TTC27: variants seen among roughly 807,000 people sequenced by gnomAD.
TTC27 encodes the protein tetratricopeptide repeat domain 27, also known as tetratricopeptide repeat protein 27.
In TTC27, 79 loss-of-function variants were observed where a neutral mutation model predicts 115.9. The ratio of observed to expected loss-of-function variants is 0.68; its 90% CI spans 0.57 to 0.82. The LOEUF (loss-of-function observed/expected upper bound fraction) is 0.82. TTC27 is among the 40% of genes least tolerant of loss of function. The pLI is 0.00. For synonymous variants in TTC27, 401 were observed against 356.0 expected, an observed-to-expected ratio of 1.13 and a Z score of -1.42; for missense variants, 1,054 against 993.1, an observed-to-expected ratio of 1.06 and a Z score of -0.82.
chr2:32,806,339 C>T (rs1001910835), intron 16 of TTC27, among the ~76,000 whole-genome samples: 1 of 152,024 alleles, frequency 6.6e-6, no homozygotes, highest in African/African-American at 2.4e-5. Context: ...GAAATACTAT[C>T]GTAACACTCT....
chr2:32,811,554 A>G (rs1389812549), intron 17 of TTC27, among the ~76,000 whole-genome samples: 1 of 152,198 alleles, frequency 6.6e-6, no homozygotes, highest in Non-Finnish European at 1.5e-5. Flanking sequence ...GCACCTTGCT[A>G]AAGACTACAG....
At chr2:32,660,600 G>A (rs1284863046) in intron 5 of TTC27, among the ~76,000 whole-genome samples, 1 of 151,350 alleles carries the variant, frequency 6.6e-6, no homozygotes, top group African/African-American at 2.4e-5. Flanking sequence ...GGGACTAGGG[G>A]ACACTTTTTG....
intron 12 of TTC27, among the ~76,000 whole-genome samples, chr2:32,739,683 CATA>C (rs1439658083): frequency 6.6e-6 from 1 of 152,080 alleles, no homozygotes; most frequent in Non-Finnish European, 1.5e-5. Flanking sequence ...TTATTTAACC[CATA>C]AAAGACCTCC....
intron 9 of TTC27, 83 bp downstream of exon 9, chr2:32,679,005 A>G: frequency 8.4e-7 from 1 of 1,188,588 alleles, no homozygotes; most frequent in South Asian, 1.3e-5. Context: ...TGGATTGTTT[A>G]TGTTGAAACA....
chr2:32,727,786 C>T (rs1273990396), intron 10 of TTC27, among the ~76,000 whole-genome samples: 2 of 151,916 alleles, frequency 1.3e-5, no homozygotes, highest in African/African-American at 4.8e-5. Context: ...ATAAAGCATG[C>T]TATTTTTGTT....
intron 16 of TTC27, among the ~76,000 whole-genome samples, chr2:32,799,151 A>G (rs1486206495): frequency 6.6e-6 from 1 of 152,354 alleles, no homozygotes. Context: ...CAAATACTGT[A>G]TGATTCCACT....
intron 15 of TTC27, 124 bp from the exon 16 acceptor site, chr2:32,786,860 C>T: frequency 1.2e-6 from 1 of 857,016 alleles, no homozygotes; most frequent in Non-Finnish European, 1.7e-6. Flanking sequence ...GTCTCTAATT[C>T]TGTTTGTTTA....
At chr2:32,707,287 G>C (rs529270909) in intron 10 of TTC27, among the ~76,000 whole-genome samples, 1 of 152,172 alleles carries the variant, frequency 6.6e-6, no homozygotes, top group Non-Finnish European at 1.5e-5. Flanking sequence ...TCATCCCCTG[G>C]CAGAAGGGTA....
chr2:32,671,953 T>C (rs1400873917), intron 7 of TTC27, among the ~76,000 whole-genome samples: 1 of 152,238 alleles, frequency 6.6e-6, no homozygotes, highest in Non-Finnish European at 1.5e-5. Context: ...GCCTATTGTC[T>C]ATGATTGTTG....
chr2:32,688,012 T>C (rs960706734), intron 9 of TTC27, among the ~76,000 whole-genome samples: 1 of 152,132 alleles, frequency 6.6e-6, no homozygotes, highest in Non-Finnish European at 1.5e-5. Context: ...TTATGGTAAG[T>C]GCAGCAAGAC....
At chr2:32,754,751 G>A (rs1208155434) in intron 12 of TTC27, among the ~76,000 whole-genome samples, 1 of 151,274 alleles carries the variant, frequency 6.6e-6, no homozygotes, top group African/African-American at 2.4e-5. Flanking sequence ...CCTCCCGGAC[G>A]GGGTGGCTGG....
At chr2:32,770,852 G>A (rs1669805911) in intron 13 of TTC27, among the ~76,000 whole-genome samples, 1 of 152,148 alleles carries the variant, frequency 6.6e-6, no homozygotes. Flanking sequence ...TGTTATTTGT[G>A]GTGGGAAGAC....
At chr2:32,805,470 G>T (rs566925108) in intron 16 of TTC27, among the ~76,000 whole-genome samples, 2 of 152,252 alleles carry the variant, frequency 1.3e-5, no homozygotes, top group African/African-American at 4.8e-5. Context: ...TAAAGTAGGG[G>T]TAATAAAGTA....
chr2:32,753,926 T>G (rs1200254449), intron 12 of TTC27, among the ~76,000 whole-genome samples: 1 of 151,828 alleles, frequency 6.6e-6, no homozygotes, highest in Non-Finnish European at 1.5e-5. Context: ...AACACAAAAA[T>G]TAGCTGGGCA....
intron 16 of TTC27, among the ~76,000 whole-genome samples, chr2:32,787,367 C>G (rs1572613578): frequency 6.6e-6 from 1 of 152,178 alleles, no homozygotes; most frequent in African/African-American, 2.4e-5. Flanking sequence ...GAATATTACT[C>G]TGACTCAGTT....
chr2:32,741,148 T>G (rs1031039759), intron 12 of TTC27, among the ~76,000 whole-genome samples: 3 of 152,262 alleles, frequency 2.0e-5, no homozygotes, highest in African/African-American at 7.2e-5. Context: ...GTTGTCTGTC[T>G]AGAACGTTTG....
At chr2:32,663,703 G>C (rs141672209) in intron 5 of TTC27, among the ~76,000 whole-genome samples, 2 of 151,476 alleles carry the variant, frequency 1.3e-5, no homozygotes, top group East Asian at 1.9e-4. Context: ...TATTTATTTG[G>C]AGACGGGTTC....
At chr2:32,820,542 A>G (rs1189463782) in intron 19 of TTC27, among the ~76,000 whole-genome samples, 2 of 152,254 alleles carry the variant, frequency 1.3e-5, no homozygotes, top group Admixed American at 6.5e-5. Flanking sequence ...AAACCATCCT[A>G]TAACATTGAA....
Position 32,678,923 on chromosome 2 carries a change from G to GT in TTC27, c.1119+2dup. The stretch of plus-strand genomic sequence containing the variant: ...AGTGGAGCTTCTGGCATTTACATCA[G>GT]TGAGTAATGTCTTTTTCTCTTCCAT... On this transcript the variant is annotated splice_donor_variant, in intron 9 of 19. Coordinates refer to ENST00000317907, the MANE Select transcript of TTC27 (RefSeq NM_017735.5). LOFTEE classifies it high-confidence loss of function. 1 of 1,612,020 alleles carries GT rather than the reference G, an allele frequency of 6.2e-7. No homozygotes were observed. The highest frequency in any genetic ancestry group is 8.5e-7 in the Non-Finnish European group (1 of 1,178,496).
Sources: allele counts gnomAD v4.1 joint callset (sites outside exome capture counted in the v4.1 genomes callset), GRCh38; gene constraint gnomAD v4.1.1; transcripts MANE v1.5; gene names NCBI Gene and HGNC (gene_info 2026-07-23, HGNC 2026-07-21).